STAM: variants seen among roughly 807,000 people sequenced by gnomAD.
STAM encodes signal transducing adapter molecule 1.
A neutral mutation model predicts 63.4 loss-of-function variants in STAM; 16 were observed. That is an observed-to-expected ratio of 0.25 (90% CI 0.17 to 0.38). The LOEUF (loss-of-function observed/expected upper bound fraction) is 0.38, where lower values mean the gene tolerates loss of function less well. STAM is among the 10% of genes least tolerant of loss of function. STAM has a pLI of 1.00. For synonymous variants in STAM, 238 were observed against 223.9 expected (o/e 1.06, Z -0.56); for missense variants, 636 against 657.1 (o/e 0.97, Z 0.35).
intron 2 of STAM, among the ~76,000 whole-genome samples, chr10:17,665,210 C>A (rs1006365060): frequency 2.6e-5 from 4 of 152,006 alleles, no homozygotes; most frequent in Non-Finnish European, 5.9e-5. Context: ...AAAAACCAGA[C>A]AAACCCATTT....
intron 2 of STAM, among the ~76,000 whole-genome samples, chr10:17,665,206 C>T (rs2131590996): frequency 6.6e-6 from 1 of 152,014 alleles, no homozygotes; most frequent in Admixed American, 6.5e-5. Context: ...AGGAAAAAAC[C>T]AGACAAACCC....
chr10:17,686,062 T>C (rs1166379511), intron 4 of STAM, among the ~76,000 whole-genome samples: 2 of 152,174 alleles, frequency 1.3e-5, no homozygotes, highest in African/African-American at 2.4e-5. Flanking sequence ...GAATGTAAAA[T>C]TCTGTACTTT....
At chr10:17,666,387 A>ATTTTTTTTTTTTTTTTTTTTTTTTTTTT (rs10673746) in intron 2 of STAM, among the ~76,000 whole-genome samples, 4 of 85,920 alleles carry the variant, frequency 4.7e-5, no homozygotes, top group Non-Finnish European at 6.4e-5. Flanking sequence ...TTGGCTTTGT[A>ATTTTTTTTTTTTTTTTTTTTTTTTTTTT]TTTTTTTTTT....
intron 2 of STAM, among the ~76,000 whole-genome samples, chr10:17,669,933 T>C (rs1834566843): frequency 6.8e-6 from 1 of 146,038 alleles, no homozygotes. Context: ...GGTTTCACCA[T>C]GTTAGCCAGG....
At position 17,688,157 on chromosome 10, in the gene STAM, C is replaced by T. The variant is rs1835372226; in HGVS notation, c.428C>T (p.Pro143Leu). Residue 143 changes from proline to leucine, a missense_variant, in exon 5 of 14, where the codon CCA becomes CTA. Coordinates refer to ENST00000377524, the MANE Select transcript of STAM (RefSeq NM_003473.4). ...KNLKEQGVTFPAIGSQAAEQA... is the reference protein window; with the variant it reads ...KNLKEQGVTFLAIGSQAAEQA... ...CTTAAGGAACAAGGAGTTACGTTCCCAGCTATTGGCTCTCAGGTATTTTGG... is the reference window on the plus strand; with the variant it reads ...CTTAAGGAACAAGGAGTTACGTTCCTAGCTATTGGCTCTCAGGTATTTTGG... 1.3e-6 allele frequency: 2 copies of T among 1,567,006 alleles called. No individual in the cohort carries two copies. Among genetic ancestry groups the T allele is most frequent in the Non-Finnish European group, 1.7e-6 (2 of 1,157,136 alleles).
At chr10:17,693,628 T>G (rs1489024083) in intron 6 of STAM, among the ~76,000 whole-genome samples, 2 of 152,218 alleles carry the variant, frequency 1.3e-5, no homozygotes, top group Non-Finnish European at 2.9e-5. Flanking sequence ...CATGCAACAT[T>G]ATGTTTGAGA....
At chr10:17,655,223 A>G (rs562490917) in intron 1 of STAM, among the ~76,000 whole-genome samples, 1 of 152,306 alleles carries the variant, frequency 6.6e-6, no homozygotes, top group East Asian at 1.9e-4. Flanking sequence ...CTGGTAGGGT[A>G]TGGCGTGGAC....
chr10:17,668,785 G>C (rs1266413269), intron 2 of STAM, among the ~76,000 whole-genome samples: 1 of 152,108 alleles, frequency 6.6e-6, no homozygotes, highest in African/African-American at 2.4e-5. Flanking sequence ...GCCTTTTCGT[G>C]GCTCAGTAGT....
intron 2 of STAM, among the ~76,000 whole-genome samples, chr10:17,666,387 A>AT (rs10673746): frequency 0.31 from 26,366 of 85,258 alleles, 4,850 homozygotes; most frequent in African/African-American, 0.36. Context: ...TTGGCTTTGT[A>AT]TTTTTTTTTT....
chr10:17,678,293 TG>T (rs1834936418), intron 2 of STAM, among the ~76,000 whole-genome samples: 1 of 151,824 alleles, frequency 6.6e-6, no homozygotes, highest in Non-Finnish European at 1.5e-5. Context: ...CTCGCTGTGT[TG>T]CCCAGGCTAG....
At chr10:17,698,854 A>G (rs1220331666) in intron 8 of STAM, among the ~76,000 whole-genome samples, 2 of 152,244 alleles carry the variant, frequency 1.3e-5, no homozygotes, top group South Asian at 2.1e-4. Flanking sequence ...TGGCCAATGC[A>G]GTGCTATCCC....
chr10:17,645,097 A>G (rs868922969), intron 1 of STAM, among the ~76,000 whole-genome samples: 3 of 152,212 alleles, frequency 2.0e-5, no homozygotes, highest in African/African-American at 7.2e-5. Context: ...GATGATGTCA[A>G]TTCAATAGGT....
chr10:17,651,528 ATTC>A (rs552749221), intron 1 of STAM, among the ~76,000 whole-genome samples: 32 of 152,268 alleles, frequency 2.1e-4, no homozygotes, highest in African/African-American at 7.2e-4. Flanking sequence ...AAGAACTTGT[ATTC>A]TTTGATTCTT....
At chr10:17,709,031 A>G (rs1367066644) in intron 13 of STAM, 80 bp downstream of exon 13, 67 of 1,487,576 alleles carry the variant, frequency 4.5e-5, no homozygotes, top group Non-Finnish European at 6.0e-5. Context: ...TAACTATAAA[A>G]TCTGGCTAAT....
intron 13 of STAM, among the ~76,000 whole-genome samples, chr10:17,710,057 G>A (rs1836488503): frequency 6.6e-6 from 1 of 151,382 alleles, no homozygotes; most frequent in Non-Finnish European, 1.5e-5. Flanking sequence ...TTTACAACTA[G>A]ATACAAAGGG....
At chr10:17,670,192 G>T (rs927314156) in intron 2 of STAM, among the ~76,000 whole-genome samples, 1 of 152,104 alleles carries the variant, frequency 6.6e-6, no homozygotes, top group Non-Finnish European at 1.5e-5. Context: ...GATCCGATGC[G>T]AGCTGATTTT....
At chr10:17,668,448 TA>T (rs1834489285) in intron 2 of STAM, among the ~76,000 whole-genome samples, 1 of 152,350 alleles carries the variant, frequency 6.6e-6, no homozygotes, top group Non-Finnish European at 1.5e-5. Context: ...TACTATTAAC[TA>T]AAGTCCATAG....
intron 1 of STAM, among the ~76,000 whole-genome samples, chr10:17,655,227 C>T (rs1356206761): frequency 3.3e-5 from 5 of 152,114 alleles, no homozygotes; most frequent in Non-Finnish European, 4.4e-5. Flanking sequence ...TAGGGTATGG[C>T]GTGGACTAGA....
chr10:17,695,487 C>T (rs537453115), intron 7 of STAM, among the ~76,000 whole-genome samples: 4 of 152,142 alleles, frequency 2.6e-5, no homozygotes, highest in South Asian at 2.1e-4. Context: ...TATTCATTTT[C>T]GGTTCCACCT....
Sources: gnomAD v4.1 joint callset for allele counts (sites outside exome capture counted in the v4.1 genomes callset) on GRCh38, gnomAD v4.1.1 for gene constraint, MANE v1.5 for transcripts, NCBI Gene and HGNC (gene_info 2026-07-23, HGNC 2026-07-21) for gene names.